The following SUSD6 variants were observed in gnomAD, a reference collection of about 807,000 sequenced individuals.
SUSD6 encodes the protein sushi domain containing 6.
SUSD6 carries 16 observed loss-of-function variants against 28.4 expected under a neutral mutation model. The ratio of observed to expected loss-of-function variants is 0.56; its 90% confidence interval spans 0.38 to 0.86. SUSD6 has a LOEUF of 0.86. Ranked by LOEUF, SUSD6 falls within the 40% of genes least tolerant of loss-of-function variation. The probability of loss-of-function intolerance (pLI) is 0.00; values close to 1 mark genes in which losing one functional copy is unlikely to be tolerated. For synonymous variants in SUSD6, 147 were observed against 159.6 expected (o/e 0.92, Z 0.59); for missense variants, 341 against 384.2 (o/e 0.89, Z 0.94).
intron 1 of SUSD6, among the ~76,000 whole-genome samples, chr14:69,639,046 C>T (rs964488356): frequency 6.6e-6 from 1 of 152,150 alleles, no homozygotes; most frequent in Non-Finnish European, 1.5e-5. Flanking sequence ...TAAGGCCAGG[C>T]CGGGTGCAGT....
rs1886522441 is a variant in SUSD6, at chr14:69,714,761, A to C, written c.*3782A>C. The C allele has an allele frequency of 6.6e-6, 1 of 152,244 alleles. No homozygotes were observed. The highest frequency in any genetic ancestry group is 1.5e-5 in the Non-Finnish European group (1 of 68,060). The allele number at this position is 152,244 out of a possible 1,614,324, so 9.4% of individuals were successfully genotyped here. ...AACCTCAAGGTTGAGCCCCTCTGCC[A>C]AGCAGCAGAGCTAGTAGAAGGGGAT... On this transcript the variant is annotated 3_prime_UTR_variant, in exon 6 of 6. Coordinates refer to ENST00000342745, the MANE Select transcript of SUSD6 (RefSeq NM_014734.4).
chr14:69,620,036 C>A (rs938779673), intron 1 of SUSD6, among the ~76,000 whole-genome samples: 3 of 152,230 alleles, frequency 2.0e-5, no homozygotes, highest in African/African-American at 7.2e-5. Context: ...AGCCGGTGAA[C>A]AGAGTCTTGT....
At chr14:69,629,227 G>A (rs1885159612) in intron 1 of SUSD6, among the ~76,000 whole-genome samples, 1 of 151,834 alleles carries the variant, frequency 6.6e-6, no homozygotes. Flanking sequence ...AGAGGTTGGG[G>A]GTCCCTTGGA....
intron 2 of SUSD6, among the ~76,000 whole-genome samples, chr14:69,680,645 A>G (rs1262109211): frequency 6.6e-6 from 1 of 152,174 alleles, no homozygotes; most frequent in African/African-American, 2.4e-5. Flanking sequence ...CTGCTTCTGT[A>G]TCCTATCCTC....
In SUSD6 at chr14:69,711,300, G is replaced by C; in HGVS notation, c.*321G>C. 1.2e-5 allele frequency: 5 copies of C among 403,434 alleles called. No homozygotes were observed. Among genetic ancestry groups the C allele is most frequent in the Non-Finnish European group, 2.3e-5 (5 of 219,836 alleles). The allele number at this position is 403,434 out of a possible 1,614,324, so 25.0% of individuals were successfully genotyped here. ...TGGGTCCCCTCCAGCCAGCTCTTTG[G>C]CGGCAGCCCCCACCAGCTCCTGTGG... On this transcript the variant is annotated 3_prime_UTR_variant, in exon 6 of 6. Transcript: ENST00000342745.
At chr14:69,637,548 G>C (rs1185865696) in intron 1 of SUSD6, among the ~76,000 whole-genome samples, 1 of 152,204 alleles carries the variant, frequency 6.6e-6, no homozygotes, top group Non-Finnish European at 1.5e-5. Context: ...TTTCTGAGCT[G>C]TGTGTGGGTG....
Position 69,708,674 on chromosome 14 carries a change from C to A in SUSD6, c.459-3C>A. The A allele has an allele frequency of 6.4e-7, 1 of 1,552,572 alleles. No individual in the cohort carries two copies. Among genetic ancestry groups the A allele is most frequent in the Non-Finnish European group, 8.7e-7 (1 of 1,147,978 alleles). On this transcript the variant is annotated splice_region_variant and splice_polypyrimidine_tract_variant and intron_variant, in intron 4 of 5. Coordinates refer to ENST00000342745, the MANE Select transcript of SUSD6 (RefSeq NM_014734.4). ...TCCTTTGTCTTTTCCTCCTCCACTC[C>A]AGGCGTGACCAGGGGGTATCTGGGG...
chr14:69,649,027 CT>C (rs1295522702), intron 1 of SUSD6, among the ~76,000 whole-genome samples: 1 of 152,194 alleles, frequency 6.6e-6, no homozygotes, highest in East Asian at 1.9e-4. Context: ...AAAGCTTTCT[CT>C]TTCACTTCTC....
intron 1 of SUSD6, among the ~76,000 whole-genome samples, chr14:69,646,017 T>C (rs901091194): frequency 2.0e-5 from 3 of 152,326 alleles, no homozygotes; most frequent in Middle Eastern, 3.4e-3. Context: ...CCCAAAGTGC[T>C]GGGATTACAA....
At chr14:69,678,176 GAA>G (rs755897848) in intron 2 of SUSD6, among the ~76,000 whole-genome samples, 1 of 143,250 alleles carries the variant, frequency 7.0e-6, no homozygotes, top group Non-Finnish European at 1.5e-5. Context: ...ACTCTCTTGG[GAA>G]AAAAAAAAAG....
At chr14:69,656,970 G>C (rs1885592817) in intron 1 of SUSD6, among the ~76,000 whole-genome samples, 1 of 152,196 alleles carries the variant, frequency 6.6e-6, no homozygotes, top group South Asian at 2.1e-4. Flanking sequence ...GTGAAACCTG[G>C]GGACAGAAGA....
chr14:69,663,304 G>GA (rs1885689780), intron 2 of SUSD6, among the ~76,000 whole-genome samples: 1 of 152,084 alleles, frequency 6.6e-6, no homozygotes, highest in Admixed American at 6.5e-5. Flanking sequence ...GACATGTTAG[G>GA]CCGTGTTAAA....
intron 2 of SUSD6, among the ~76,000 whole-genome samples, chr14:69,681,314 G>A (rs774218397): frequency 1.3e-4 from 20 of 152,316 alleles, no homozygotes; most frequent in Middle Eastern, 3.4e-3. Context: ...GGATGGTGCT[G>A]TTTTTCCCAT....
intron 2 of SUSD6, among the ~76,000 whole-genome samples, chr14:69,674,493 G>A (rs927948861): frequency 1.3e-5 from 2 of 152,056 alleles, no homozygotes; most frequent in Non-Finnish European, 2.9e-5. Context: ...TGCTTTGGGG[G>A]TTAAAAGTAT....
chr14:69,698,474 A>G (rs772680119), intron 2 of SUSD6, among the ~76,000 whole-genome samples: 7 of 152,086 alleles, frequency 4.6e-5, no homozygotes, highest in Non-Finnish European at 8.8e-5. Context: ...GAGCTCAAGT[A>G]TTTGTTCTGT....
intron 1 of SUSD6, among the ~76,000 whole-genome samples, chr14:69,638,970 G>A (rs1044172965): frequency 5.3e-5 from 8 of 152,178 alleles, no homozygotes; most frequent in Admixed American, 2.0e-4. Flanking sequence ...CCTTCAGAGG[G>A]TGTGTGTGCT....
rs1283898163 is a variant in SUSD6 at position 69,713,414 on chromosome 14, C to T, written c.*2435C>T. 6.6e-6 allele frequency: 1 copy of T among 152,290 alleles called. No homozygotes were observed. Among genetic ancestry groups the T allele is most frequent in the African/African-American group, 2.4e-5 (1 of 41,466 alleles). The allele number at this position is 152,290 out of a possible 1,614,324, so 9.4% of individuals were successfully genotyped here. A position where few individuals can be genotyped will look rare whatever the true frequency, so the allele number is the denominator to read the frequency against. ...TCACTGGCTTTGATGAGGCCCACTT[C>T]CCAGAGGCTCCTGGGCCTGTGAGTG... On this transcript the variant is annotated 3_prime_UTR_variant, in exon 6 of 6. Coordinates refer to ENST00000342745, the MANE Select transcript of SUSD6 (RefSeq NM_014734.4).
chr14:69,683,298 T>C (rs1414899145), intron 2 of SUSD6, among the ~76,000 whole-genome samples: 4 of 152,146 alleles, frequency 2.6e-5, no homozygotes, highest in Non-Finnish European at 4.4e-5. Flanking sequence ...ACAGACACCA[T>C]CAGGTATTTG....
At chr14:69,640,698 T>C (rs1475658032) in intron 1 of SUSD6, among the ~76,000 whole-genome samples, 1 of 152,238 alleles carries the variant, frequency 6.6e-6, no homozygotes, top group Admixed American at 6.5e-5. Context: ...AACAAATATC[T>C]ACACTTGAAG....
Sources: allele counts gnomAD v4.1 joint callset (sites outside exome capture counted in the v4.1 genomes callset), GRCh38; gene constraint gnomAD v4.1.1; transcripts MANE v1.5; gene names NCBI Gene and HGNC (gene_info 2026-07-23, HGNC 2026-07-21).